Variants in TCTN2 observed in about 807,000 individuals in gnomAD.
TCTN2 encodes tectonic family member 2.
In TCTN2, 66 loss-of-function variants were observed where a neutral mutation model predicts 83.4. The ratio of observed to expected loss-of-function variants is 0.79; its 90% CI spans 0.65 to 0.97. The LOEUF (loss-of-function observed/expected upper bound fraction) is 0.97, where lower values mean the gene tolerates loss of function less well. Among genes scored for constraint, TCTN2 ranks in the 50% least tolerant of loss-of-function variants. The pLI is 0.00. For missense variants in TCTN2, 794 were observed against 858.1 expected (o/e 0.93, Z 0.93); for synonymous variants, 301 against 326.7 (o/e 0.92, Z 0.85).
Position 123,672,141 on chromosome 12 carries a change from A to G in TCTN2, c.267+9A>G. The G allele has an allele frequency of 1.2e-6, 2 of 1,613,806 alleles. No homozygotes were observed. Among genetic ancestry groups the G allele is most frequent in the East Asian group, 2.2e-5 (1 of 44,878 alleles). On this transcript the variant is annotated intron_variant, in intron 3 of 17. Transcript: ENST00000303372. The stretch of plus-strand genomic sequence containing the variant: ...CTGTGATCCCCGGTGCGGTAAGGCC[A>G]GAAGTAAACCTTCTCTGTAGCCTGT...
intron 15 of TCTN2, 142 bp downstream of exon 15, chr12:123,704,830 T>A (rs1231113249): frequency 1.1e-5 from 10 of 880,612 alleles, no homozygotes; most frequent in Non-Finnish European, 1.6e-5. Flanking sequence ...TATGCACATA[T>A]GGAATATGTA....
chr12:123,673,565 T>G (rs374427806), intron 3 of TCTN2, 50 bp from the exon 4 acceptor site: 1 of 1,564,306 alleles, frequency 6.4e-7, no homozygotes, highest in African/African-American at 1.4e-5. Flanking sequence ...TGTATTCTTA[T>G]AGACCCTGTT....
rs566540992 is a variant in TCTN2, at chr12:123,691,427, C to T, written c.1033+753C>T. ...GTGGCCTTTTGTGTCTGGCTTCTTT[C>T]ACTGAGCATGGTGTTCCATGGTTCA... On this transcript the variant is annotated intron_variant, in intron 8 of 17. Coordinates refer to ENST00000303372, the MANE Select transcript of TCTN2 (RefSeq NM_024809.5). Among the ~76,000 whole-genome samples, 55 of 152,342 alleles carry T rather than the reference C, an allele frequency of 3.6e-4. 1 individual carries two copies. The highest frequency in any genetic ancestry group is 3.3e-3 in the East Asian group (17 of 5,176).
intron 3 of TCTN2, 38 bp from the exon 4 acceptor site, chr12:123,673,577 T>C: frequency 6.3e-7 from 1 of 1,599,952 alleles, no homozygotes; most frequent in East Asian, 2.2e-5. Context: ...GACCCTGTTT[T>C]GAGTCACTTT....
intron 5 of TCTN2, among the ~76,000 whole-genome samples, chr12:123,682,571 T>A (rs1955911910): frequency 6.6e-6 from 1 of 151,546 alleles, no homozygotes; most frequent in African/African-American, 2.4e-5. Flanking sequence ...AGCCTCCGCC[T>A]CCCAGGTTCA....
intron 2 of TCTN2, 21 bp downstream of exon 2, chr12:123,671,635 G>T: frequency 6.3e-7 from 1 of 1,599,354 alleles, no homozygotes; most frequent in Non-Finnish European, 8.5e-7. Flanking sequence ...GCCCTCTTTT[G>T]GGGAGGGTGG....
At chr12:123,689,652 T>C (rs1956018319) in intron 7 of TCTN2, among the ~76,000 whole-genome samples, 3 of 152,130 alleles carry the variant, frequency 2.0e-5, no homozygotes, top group Admixed American at 1.3e-4. Context: ...TCTGATCCTC[T>C]CCCTCCTCCT....
intron 5 of TCTN2, among the ~76,000 whole-genome samples, chr12:123,684,136 G>T (rs561346758): frequency 6.6e-6 from 1 of 152,160 alleles, no homozygotes; most frequent in African/African-American, 2.4e-5. Flanking sequence ...TAGAAAAGCT[G>T]CAGATATTCA....
At chr12:123,671,978 A>G in intron 2 of TCTN2, 78 bp from the exon 3 acceptor site, 1 of 1,196,712 alleles carries the variant, frequency 8.4e-7, no homozygotes, top group Non-Finnish European at 1.2e-6. Context: ...ATGTGAGTCC[A>G]TCCTAGGCAG....
intron 8 of TCTN2, among the ~76,000 whole-genome samples, chr12:123,691,963 C>T (rs112940220): frequency 0.019 from 2,865 of 151,964 alleles, 35 homozygotes; most frequent in South Asian, 0.032. Flanking sequence ...GGCGCGATCT[C>T]GGCTCACGGC....
chr12:123,673,323 TAAAG>T (rs1955778735), intron 3 of TCTN2, among the ~76,000 whole-genome samples: 2 of 152,182 alleles, frequency 1.3e-5, no homozygotes, highest in Non-Finnish European at 1.5e-5. Flanking sequence ...GATAGGATGA[TAAAG>T]AAACTAAAAA....
chr12:123,700,528 G>A (rs1375406961), intron 14 of TCTN2, among the ~76,000 whole-genome samples: 1 of 152,148 alleles, frequency 6.6e-6, no homozygotes, highest in African/African-American at 2.4e-5. Flanking sequence ...TGCCTCCTAG[G>A]TTCAGGTGAT....
rs1956115594 is a variant in TCTN2, at chr12:123,696,886, A to G, written c.1394-201A>G. 6.9e-6 allele frequency: 4 copies of G among 576,070 alleles called. No individual in the cohort carries two copies. The South Asian group carries it at 8.0e-5, about 12-fold the overall frequency. 35.7% of individuals were successfully genotyped at this position (576,070 alleles called of 1,614,324 possible). ...GCCAGAGGCAGTGTCACTTCTGAAG[A>G]AACCACCGCTCAGGATCTGAGAAGT... On this transcript the variant is annotated intron_variant, in intron 12 of 17. Transcript: ENST00000303372.
Position 123,707,614 on chromosome 12 carries a change from T to C in TCTN2, c.1995T>C (p.His665=). 6.2e-7 allele frequency: 1 copy of C among 1,614,186 alleles called. No homozygotes were observed. The highest frequency in any genetic ancestry group is 8.5e-7 in the Non-Finnish European group (1 of 1,180,010). ...TCCATTGTTTTTCAGGGGAGCTGCA[T>C]TCTCAGTGTGTTGCTAAGGGCTTAC... ...PWTQYYQGEL[H]SQCVAKGLLL... Residue 665 remains histidine (H), a synonymous_variant, in exon 18 of 18, where the codon CAT becomes CAC. Coordinates refer to ENST00000303372, the MANE Select transcript of TCTN2 (RefSeq NM_024809.5).
At chr12:123,707,512 A>T in intron 17 of TCTN2, 92 bp from the exon 18 acceptor site, 1 of 1,216,762 alleles carries the variant, frequency 8.2e-7, no homozygotes, top group Non-Finnish European at 1.2e-6. Flanking sequence ...TGTTAGGATT[A>T]CAGGAGTGAG....
chr12:123,700,229 A>G (rs1380757913), intron 14 of TCTN2: 4 of 338,408 alleles, frequency 1.2e-5, no homozygotes, highest in Non-Finnish European at 1.7e-5. Context: ...CAGGCTGGTC[A>G]TTAACTCCTG....
At chr12:123,693,441 T>C (rs548374840) in intron 9 of TCTN2, among the ~76,000 whole-genome samples, 47 of 138,228 alleles carry the variant, frequency 3.4e-4, no homozygotes, top group Non-Finnish European at 5.1e-4. Context: ...ATAAGTTACG[T>C]AGAGTTTGGC....
intron 14 of TCTN2, among the ~76,000 whole-genome samples, chr12:123,702,670 G>A (rs1270127372): frequency 6.6e-6 from 1 of 152,176 alleles, no homozygotes; most frequent in Non-Finnish European, 1.5e-5. Context: ...TGCCACCCAG[G>A]CCAGCTAGAT....
rs942384952 is a variant in TCTN2, at chr12:123,692,162, C to T, written c.1034-496C>T. Among the ~76,000 whole-genome samples the T allele has an allele frequency of 2.6e-5, 4 of 152,140 alleles. No individual in the cohort carries two copies. In the South Asian group the frequency reaches 6.2e-4, roughly 24 times the overall value. On this transcript the variant is annotated intron_variant, in intron 8 of 17. Coordinates refer to ENST00000303372, the MANE Select transcript of TCTN2 (RefSeq NM_024809.5). Reference sequence around the variant, plus strand: ...CTGACCTCAGGTGATCCACCCACCTCGGCCTCCCAGAGTGCTGGGATTACG... The same window carrying T: ...CTGACCTCAGGTGATCCACCCACCTTGGCCTCCCAGAGTGCTGGGATTACG...
Sources: gnomAD v4.1 joint callset for allele counts (sites outside exome capture counted in the v4.1 genomes callset) on GRCh38, gnomAD v4.1.1 for gene constraint, MANE v1.5 for transcripts, NCBI Gene and HGNC (gene_info 2026-07-23, HGNC 2026-07-21) for gene names.